EPC1: variants seen among roughly 807,000 people sequenced by gnomAD.
EPC1 encodes enhancer of polycomb homolog 1.
Under a neutral mutation model 98.4 loss-of-function variants are expected in EPC1, and 12 were observed. That is an observed-to-expected ratio of 0.12 (90% CI 0.08 to 0.20). The LOEUF is 0.20. Among genes scored for constraint, EPC1 ranks in the 10% least tolerant of loss-of-function variants. EPC1 has a pLI of 1.00. For synonymous variants in EPC1, 357 were observed against 363.9 expected (o/e 0.98, Z 0.21); for missense variants, 729 against 990.5 (o/e 0.74, Z 3.54).
intron 1 of EPC1, among the ~76,000 whole-genome samples, chr10:32,308,595 C>T (rs1225311855): frequency 6.6e-6 from 1 of 152,126 alleles, no homozygotes; most frequent in Non-Finnish European, 1.5e-5. Context: ...AAATAGTGAG[C>T]CATCTGTCCT....
At chr10:32,376,767 T>C (rs1839879499) in intron 1 of EPC1, among the ~76,000 whole-genome samples, 2 of 152,130 alleles carry the variant, frequency 1.3e-5, no homozygotes, top group Non-Finnish European at 2.9e-5. Flanking sequence ...ACACGCTAAA[T>C]AATAATTCTT....
At chr10:32,356,967 C>T (rs540110491) in intron 1 of EPC1, among the ~76,000 whole-genome samples, 1 of 151,956 alleles carries the variant, frequency 6.6e-6, no homozygotes, top group African/African-American at 2.4e-5. Flanking sequence ...GGCGAGGGAG[C>T]GAGACTCCGC....
intron 2 of EPC1, among the ~76,000 whole-genome samples, chr10:32,302,009 C>T (rs976287199): frequency 2.0e-5 from 3 of 152,144 alleles, no homozygotes; most frequent in African/African-American, 7.2e-5. Context: ...GGTGGTGGCT[C>T]ACGCCTGTAA....
chr10:32,351,879 C>T (rs910349096), upstream of EPC1, among the ~76,000 whole-genome samples: 6 of 146,842 alleles, frequency 4.1e-5, no homozygotes, highest in Non-Finnish European at 7.5e-5. Context: ...TACAAGTGTG[C>T]GCCATCACGC....
At chr10:32,277,750 TAG>T (rs1043125725) in intron 10 of EPC1, among the ~76,000 whole-genome samples, 4 of 152,096 alleles carry the variant, frequency 2.6e-5, no homozygotes, top group Non-Finnish European at 4.4e-5. Context: ...TATTTTTTTG[TAG>T]AGATGGGTGT....
In EPC1 at chr10:32,347,005, A is replaced by C; in HGVS notation, c.-90T>G. On this transcript the variant is annotated 5_prime_UTR_variant, in exon 1 of 14. Transcript: ENST00000319778. ...CCGGGGGTTCGGTCCCCACTCGCCA[A>C]CCGCTGCCGGGGACTTGAGGGGCGG... is the stretch of plus-strand genomic sequence containing the variant. The C allele has an allele frequency of 6.5e-7, 1 of 1,541,946 alleles. No individual in the cohort carries two copies. Among genetic ancestry groups the C allele is most frequent in the Non-Finnish European group, 8.7e-7 (1 of 1,151,140 alleles).
intron 1 of EPC1, among the ~76,000 whole-genome samples, chr10:32,344,274 C>T (rs755462945): frequency 5.3e-5 from 8 of 152,220 alleles, no homozygotes; most frequent in Admixed American, 5.2e-4. Flanking sequence ...GACTGTAAAG[C>T]AGCTTGTTTA....
At chr10:32,303,680 G>A (rs1835708651) in intron 2 of EPC1, among the ~76,000 whole-genome samples, 1 of 152,222 alleles carries the variant, frequency 6.6e-6, no homozygotes, top group African/African-American at 2.4e-5. Flanking sequence ...TAAGAAGAGG[G>A]CATCTGCTGG....
At chr10:32,329,861 T>A (rs560407889) in intron 1 of EPC1, among the ~76,000 whole-genome samples, 90 of 152,312 alleles carry the variant, frequency 5.9e-4, no homozygotes, top group African/African-American at 2.1e-3. Flanking sequence ...GATGATATTA[T>A]GAGAGCCTGT....
chr10:32,374,632 T>C (rs1318483883), intron 1 of EPC1: 1 of 152,164 alleles, frequency 6.6e-6, no homozygotes, highest in Admixed American at 6.5e-5. Context: ...AGAACACTTG[T>C]CAAATCCTAT....
At chr10:32,338,256 A>G (rs1323368945) in intron 1 of EPC1, among the ~76,000 whole-genome samples, 2 of 152,054 alleles carry the variant, frequency 1.3e-5, no homozygotes, top group Non-Finnish European at 2.9e-5. Context: ...CTCTCTCTCC[A>G]TCTAGTACAT....
chr10:32,348,537 T>TC (rs1328506794), upstream of EPC1, among the ~76,000 whole-genome samples: 1 of 152,190 alleles, frequency 6.6e-6, no homozygotes, highest in Non-Finnish European at 1.5e-5. Flanking sequence ...TTTAGCCAGC[T>TC]CCCGCGGGGT....
chr10:32,311,870 T>C (rs933180935), intron 1 of EPC1, among the ~76,000 whole-genome samples: 15 of 152,204 alleles, frequency 9.9e-5, no homozygotes, highest in Non-Finnish European at 2.9e-5. Flanking sequence ...GCCTCCATGA[T>C]GTGATGAAGT....
upstream of EPC1, chr10:32,347,250 G>C: frequency 8.5e-7 from 1 of 1,170,952 alleles, no homozygotes; most frequent in South Asian, 4.3e-5. Context: ...GCTCGAGGCC[G>C]GCGCCGGCAC....
intron 1 of EPC1, chr10:32,345,187 G>C (rs774911564): frequency 2.7e-4 from 263 of 984,212 alleles, no homozygotes; most frequent in Non-Finnish European, 3.0e-4. Flanking sequence ...CTACTCTAAA[G>C]TTGATACAAG....
At chr10:32,272,593 G>A (rs1488386208) in intron 11 of EPC1, among the ~76,000 whole-genome samples, 1 of 152,124 alleles carries the variant, frequency 6.6e-6, no homozygotes, top group East Asian at 1.9e-4. Context: ...CACACACAAT[G>A]AAAGGCACCT....
At chr10:32,275,890 T>C (rs1368104228) in intron 10 of EPC1, among the ~76,000 whole-genome samples, 1 of 151,594 alleles carries the variant, frequency 6.6e-6, no homozygotes, top group African/African-American at 2.4e-5. Context: ...TTAGCTGATA[T>C]CACACCATTG....
intron 1 of EPC1, among the ~76,000 whole-genome samples, chr10:32,332,652 A>C (rs1837709289): frequency 6.6e-6 from 1 of 152,216 alleles, no homozygotes; most frequent in Admixed American, 6.5e-5. Flanking sequence ...TGCAATCCTG[A>C]ACAGCTTTTA....
intron 10 of EPC1, among the ~76,000 whole-genome samples, chr10:32,274,651 A>G (rs16933172): frequency 0.036 from 5,531 of 152,252 alleles, 147 homozygotes; most frequent in East Asian, 0.12. Context: ...AAATCTGTTT[A>G]GTTGATATCT....
Sources: allele counts gnomAD v4.1 joint callset (sites outside exome capture counted in the v4.1 genomes callset), GRCh38; gene constraint gnomAD v4.1.1; transcripts MANE v1.5; gene names NCBI Gene and HGNC (gene_info 2026-07-23, HGNC 2026-07-21).